Variants in NEBL observed in about 807,000 individuals in gnomAD.
NEBL encodes nebulette, also known as LIM and SH3 protein 2.
In NEBL, 122 loss-of-function variants were observed where a neutral mutation model predicts 140.2. The ratio of observed to expected loss-of-function variants is 0.87; its 90% CI spans 0.75 to 1.01. The LOEUF is 1.01. Among genes scored for constraint, NEBL ranks in the 50% least tolerant of loss-of-function variants. NEBL has a pLI of 0.00. For missense variants in NEBL, 1,365 were observed against 1,231.3 expected, an observed-to-expected ratio of 1.11 and a Z score of -1.62; for synonymous variants, 436 against 398.9, an observed-to-expected ratio of 1.09 and a Z score of -1.11.
intron 10 of NEBL, among the ~76,000 whole-genome samples, chr10:20,850,728 AT>A (rs1410512442): frequency 6.6e-6 from 1 of 152,208 alleles, no homozygotes; most frequent in East Asian, 1.9e-4. Flanking sequence ...CAACTAACTA[AT>A]GTAGTTCTAG....
At chr10:21,046,247 T>C (rs1834509084) in intron 2 of NEBL, among the ~76,000 whole-genome samples, 1 of 152,200 alleles carries the variant, frequency 6.6e-6, no homozygotes, top group South Asian at 2.1e-4. Context: ...AATAGGGAGA[T>C]GTTGGTTGAT....
intron 10 of NEBL, among the ~76,000 whole-genome samples, chr10:20,851,238 A>G (rs1329625288): frequency 6.6e-6 from 1 of 152,158 alleles, no homozygotes; most frequent in Non-Finnish European, 1.5e-5. Context: ...CATTTCATTC[A>G]GAAATGTGCT....
At chr10:21,291,268 G>C (rs1456512595) in intron 1 of NEBL, among the ~76,000 whole-genome samples, 1 of 151,994 alleles carries the variant, frequency 6.6e-6, no homozygotes, top group Non-Finnish European at 1.5e-5. Flanking sequence ...CACTTTAGGA[G>C]GCCAAGGCAG....
chr10:20,803,815 AT>A (rs201009353), intron 26 of NEBL, among the ~76,000 whole-genome samples: 105 of 137,796 alleles, frequency 7.6e-4, no homozygotes, highest in African/African-American at 2.8e-3. Context: ...TACGAAAAAT[AT>A]ATATATATAT....
At chr10:20,978,155 AAGAC>A (rs1301012923) in intron 3 of NEBL, among the ~76,000 whole-genome samples, 1 of 152,190 alleles carries the variant, frequency 6.6e-6, no homozygotes, top group Admixed American at 6.5e-5. Flanking sequence ...CCCCAGCTAA[AAGAC>A]AGACCCGAAA....
intron 3 of NEBL, among the ~76,000 whole-genome samples, chr10:21,210,813 T>C (rs912494034): frequency 6.6e-6 from 1 of 152,216 alleles, no homozygotes; most frequent in Non-Finnish European, 1.5e-5. Context: ...CATGTGACTG[T>C]CATTATCTTC....
At chr10:20,996,505 C>T (rs188964199) in intron 3 of NEBL, among the ~76,000 whole-genome samples, 40 of 152,244 alleles carry the variant, frequency 2.6e-4, no homozygotes, top group Admixed American at 4.6e-4. Flanking sequence ...CTCACAATAA[C>T]CTTTTGGGAG....
intron 4 of NEBL, among the ~76,000 whole-genome samples, chr10:20,941,486 G>A (rs1834863077): frequency 6.6e-6 from 1 of 152,054 alleles, no homozygotes; most frequent in Non-Finnish European, 1.5e-5. Flanking sequence ...CATACCAAAT[G>A]GGCAAAAAGT....
intron 26 of NEBL, among the ~76,000 whole-genome samples, chr10:20,800,299 G>A (rs972691287): frequency 6.6e-6 from 1 of 151,954 alleles, no homozygotes; most frequent in African/African-American, 2.4e-5. Flanking sequence ...CAAATGGCAG[G>A]GTCTCCTTTT....
chr10:21,146,615 T>G, intron 2 of NEBL: 1 of 754,360 alleles, frequency 1.3e-6, no homozygotes. Context: ...CGTTGCTTAG[T>G]AACAAACACA....
chr10:21,196,311 A>ATTTT (rs1296316817), intron 3 of NEBL, among the ~76,000 whole-genome samples: 30 of 96,488 alleles, frequency 3.1e-4, no homozygotes, highest in South Asian at 3.3e-4. Context: ...CTATATTTTT[A>ATTTT]TTTTTATTTA....
intron 3 of NEBL, among the ~76,000 whole-genome samples, chr10:21,197,331 G>C (rs1841668312): frequency 6.6e-6 from 1 of 152,202 alleles, no homozygotes; most frequent in Non-Finnish European, 1.5e-5. Context: ...GAGAACTGCT[G>C]TTCCACAATA....
chr10:20,924,284 G>A (rs1833754986), intron 4 of NEBL, among the ~76,000 whole-genome samples: 1 of 151,868 alleles, frequency 6.6e-6, no homozygotes, highest in African/African-American at 2.4e-5. Flanking sequence ...GAGAAGCCCT[G>A]TGTCTTCTGA....
intron 4 of NEBL, among the ~76,000 whole-genome samples, chr10:20,942,025 G>C (rs1487453265): frequency 6.6e-6 from 1 of 152,054 alleles, no homozygotes; most frequent in Non-Finnish European, 1.5e-5. Flanking sequence ...AAGGTAATTT[G>C]TAGATTCAAT....
chr10:20,827,258 G>C (rs1839966369), intron 17 of NEBL, among the ~76,000 whole-genome samples: 1 of 152,190 alleles, frequency 6.6e-6, no homozygotes, highest in Admixed American at 6.5e-5. Flanking sequence ...GGGTGGGAGA[G>C]CACGGTAGGA....
At chr10:21,060,091 A>G (rs534288238) in intron 2 of NEBL, among the ~76,000 whole-genome samples, 1 of 152,302 alleles carries the variant, frequency 6.6e-6, no homozygotes, top group South Asian at 2.1e-4. Flanking sequence ...CCGGTCATCT[A>G]AAAAATAGCA....
intron 1 of NEBL, among the ~76,000 whole-genome samples, chr10:21,288,879 T>G (rs1843105364): frequency 7.5e-6 from 1 of 132,850 alleles, no homozygotes; most frequent in African/African-American, 2.8e-5. Flanking sequence ...GACGGAGTCT[T>G]GCTCTGTTGC....
intron 4 of NEBL, among the ~76,000 whole-genome samples, chr10:20,910,203 G>C (rs1848272474): frequency 6.6e-6 from 1 of 152,112 alleles, no homozygotes; most frequent in Non-Finnish European, 1.5e-5. Flanking sequence ...ATATAGTTAA[G>C]CAAAATTGTC....
chr10:20,859,783 T>C lies in NEBL; in HGVS notation c.728A>G (p.Lys243Arg). The C allele has an allele frequency of 6.3e-7, 1 of 1,595,150 alleles. No individual in the cohort carries two copies. Among genetic ancestry groups the C allele is most frequent in the Non-Finnish European group, 8.6e-7 (1 of 1,164,874 alleles). ...EKFDNEMKDK[K>R]HHYNPLESAS... Reference sequence around the variant, plus strand: ...ACTTTCAAGAGGATTGTAATGATGTTTCTTATCCTTCATTTCATTATCAAA... The same window carrying C: ...ACTTTCAAGAGGATTGTAATGATGTCTCTTATCCTTCATTTCATTATCAAA... Residue 243 changes from lysine to arginine, a missense_variant, in exon 8 of 28, where the codon AAA (lysine) becomes AGA (arginine). Lys to Arg is a conservative substitution (Grantham distance 26). Around this residue, in one of 2 missense-constraint regions of NEBL, gnomAD observed 1,323 missense variants for 1,154.8 expected, o/e 1.15. Transcript: ENST00000377122.
Sources: gnomAD v4.1 joint callset for allele counts (sites outside exome capture counted in the v4.1 genomes callset) on GRCh38, gnomAD v4.1.1 for gene constraint, gnomAD v4.1.1 regional missense constraint, MANE v1.5 for transcripts, NCBI Gene and HGNC (gene_info 2026-07-23, HGNC 2026-07-21) for gene names.